The following RAP1GAP2 variants were observed in gnomAD, a reference collection of about 807,000 sequenced individuals.
The protein encoded by RAP1GAP2 is rap1 GTPase-activating protein 2.
Under a neutral mutation model 95.0 loss-of-function variants are expected in RAP1GAP2, and 27 were observed. The observed-to-expected ratio is 0.28, with a 90% CI of 0.21 to 0.39. The LOEUF (loss-of-function observed/expected upper bound fraction) is 0.39, where lower values mean the gene tolerates loss of function less well. RAP1GAP2 is among the 10% of genes least tolerant of loss of function. The probability of loss-of-function intolerance (pLI) is 1.00; values close to 1 mark genes in which losing one functional copy is unlikely to be tolerated. For synonymous variants in RAP1GAP2, 373 were observed against 380.9 expected, an observed-to-expected ratio of 0.98 and a Z score of 0.24; for missense variants, 771 against 970.0, an observed-to-expected ratio of 0.79 and a Z score of 2.72.
chr17:2,987,512 C>T (rs908996739), intron 11 of RAP1GAP2, among the ~76,000 whole-genome samples: 3 of 152,072 alleles, frequency 2.0e-5, no homozygotes, highest in Admixed American at 6.6e-5. Flanking sequence ...CAGGCAGGCA[C>T]CACCACGCCC....
intron 2 of RAP1GAP2, among the ~76,000 whole-genome samples, chr17:2,832,335 G>A (rs888601725): frequency 4.0e-5 from 6 of 151,100 alleles, no homozygotes; most frequent in Admixed American, 2.0e-4. Context: ...AAGGTGGGTG[G>A]ATCACGAGGT....
At position 2,859,795 on chromosome 17, in the gene RAP1GAP2, G is replaced by A. The variant is rs1031181047; in HGVS notation, c.81-45489G>A. Among the ~76,000 whole-genome samples, 7 of 152,182 alleles carry A rather than the reference G, an allele frequency of 4.6e-5. No homozygotes were observed. The East Asian group carries it at 1.2e-3, about 25-fold the overall frequency. On this transcript the variant is annotated intron_variant, in intron 2 of 24. Transcript: ENST00000254695. ...GAAGAAACTGGACTGTTTGTCTTGT[G>A]GAGTTTCCCACAGTCAGGATTTTGT...
Position 2,827,220 on chromosome 17 carries a change from T to C in RAP1GAP2, c.80+26670T>C, listed in dbSNP as rs2070608326. Among the ~76,000 whole-genome samples the C allele has an allele frequency of 6.6e-6, 1 of 152,132 alleles. No individual in the cohort carries two copies. The highest frequency in any genetic ancestry group is 1.5e-5 in the Non-Finnish European group (1 of 68,030). Reference sequence around the variant, plus strand: ...GTCCCAGGGGTGTGTGTGGTTGGGCTCTTTAGCTCAGGAGAGCTCAGCTGA... The same window carrying C: ...GTCCCAGGGGTGTGTGTGGTTGGGCCCTTTAGCTCAGGAGAGCTCAGCTGA... On this transcript the variant is annotated intron_variant, in intron 2 of 24. Transcript: ENST00000254695. This position sits in a 1 kb window ranked among gnomAD's most constrained non-coding sequence, Gnocchi z 4.1.
intron 3 of RAP1GAP2, among the ~76,000 whole-genome samples, chr17:2,952,792 C>A (rs2043964083): frequency 6.6e-6 from 1 of 151,646 alleles, no homozygotes; most frequent in Non-Finnish European, 1.5e-5. Flanking sequence ...TTGTTCATGT[C>A]CTTTGCACAT....
intron 1 of RAP1GAP2, among the ~76,000 whole-genome samples, chr17:2,787,634 C>T (rs1293225598): frequency 2.0e-5 from 3 of 152,278 alleles, no homozygotes; most frequent in East Asian, 3.9e-4. Context: ...GTGGCGCCAT[C>T]TCAGCTCACT....
chr17:2,933,788 A>G (rs1257721494), intron 3 of RAP1GAP2, among the ~76,000 whole-genome samples: 5 of 151,808 alleles, frequency 3.3e-5, no homozygotes, highest in African/African-American at 4.9e-5. Flanking sequence ...TAAGAGGCTT[A>G]GACCTGAAGC....
chr17:3,022,374 C>T (rs991125011), intron 19 of RAP1GAP2, among the ~76,000 whole-genome samples: 9 of 152,192 alleles, frequency 5.9e-5, no homozygotes, highest in African/African-American at 2.2e-4. Flanking sequence ...GAAGGTTAAA[C>T]ATAGAGTTAC....
At chr17:2,969,493 A>ATTTTTTT (rs2044761423) in intron 8 of RAP1GAP2, among the ~76,000 whole-genome samples, 1 of 101,878 alleles carries the variant, frequency 9.8e-6, no homozygotes, top group African/African-American at 3.7e-5. Context: ...AAATATATAT[A>ATTTTTTT]TTCTTTTTTT....
chr17:2,853,005 G>A (rs1257517819), intron 2 of RAP1GAP2, among the ~76,000 whole-genome samples: 1 of 152,142 alleles, frequency 6.6e-6, no homozygotes, highest in Non-Finnish European at 1.5e-5. Context: ...CGGGGAGGGC[G>A]GAGTGGGGGG....
chr17:3,017,892 G>A (rs140561549), intron 17 of RAP1GAP2, among the ~76,000 whole-genome samples, 169 bp from the exon 18 acceptor site: 70 of 151,870 alleles, frequency 4.6e-4, no homozygotes, highest in Non-Finnish European at 8.4e-4. Flanking sequence ...GTAAGCTGGA[G>A]TAACTAGTAT....
intron 2 of RAP1GAP2, among the ~76,000 whole-genome samples, chr17:2,874,620 C>A (rs571727710): frequency 1.3e-5 from 2 of 152,278 alleles, no homozygotes; most frequent in African/African-American, 4.8e-5. Flanking sequence ...ACAGCCTGAA[C>A]CAGTCAGAGG....
upstream of RAP1GAP2, among the ~76,000 whole-genome samples, chr17:2,792,111 C>T (rs1567651281): frequency 1.3e-5 from 2 of 152,090 alleles, no homozygotes; most frequent in Non-Finnish European, 2.9e-5. Flanking sequence ...CCGCTTGCCT[C>T]GGCTTCCCAA....
At chr17:2,842,529 C>CAAAAAA (rs34473053) in intron 2 of RAP1GAP2, among the ~76,000 whole-genome samples, 2 of 78,066 alleles carry the variant, frequency 2.6e-5, no homozygotes, top group African/African-American at 4.6e-5. Context: ...GATTCCGTCT[C>CAAAAAA]AAAAAAAAAA....
intron 18 of RAP1GAP2, among the ~76,000 whole-genome samples, chr17:3,019,410 G>A (rs2046880720): frequency 6.6e-6 from 1 of 152,018 alleles, no homozygotes; most frequent in Non-Finnish European, 1.5e-5. Context: ...CTACTTGGGA[G>A]ACTGAGGTGG....
intron 2 of RAP1GAP2, among the ~76,000 whole-genome samples, chr17:2,877,122 C>T (rs1463598282): frequency 6.6e-6 from 1 of 152,026 alleles, no homozygotes; most frequent in Non-Finnish European, 1.5e-5. Flanking sequence ...CTCCTGACCT[C>T]AGGTGATGCA....
chr17:2,953,604 C>T (rs369298004), intron 3 of RAP1GAP2, among the ~76,000 whole-genome samples: 226 of 152,198 alleles, frequency 1.5e-3, no homozygotes, highest in South Asian at 7.3e-3. Flanking sequence ...CCCAGCACTT[C>T]GGGAGGCCAA....
Position 3,008,430 on chromosome 17 carries a change from A to G in RAP1GAP2, c.1494+285A>G, listed in dbSNP as rs1305127086. On this transcript the variant is annotated intron_variant, in intron 17 of 24. Coordinates refer to ENST00000254695, the MANE Select transcript of RAP1GAP2 (RefSeq NM_015085.5). This position sits in a 1 kb window ranked among gnomAD's most constrained non-coding sequence, Gnocchi z 4.2. ...AAGCAGGGACAGGTAAAGAGGTAGC[A>G]GTAGGAGAGGAGCTGGAGCAAGCCA... Among the ~76,000 whole-genome samples, 1 of 152,198 alleles carries G rather than the reference A, an allele frequency of 6.6e-6. No individual in the cohort carries two copies. Among genetic ancestry groups the G allele is most frequent in the Non-Finnish European group, 1.5e-5 (1 of 68,030 alleles).
chr17:2,833,012 A>G (rs1414861542), intron 2 of RAP1GAP2, among the ~76,000 whole-genome samples: 1 of 152,036 alleles, frequency 6.6e-6, no homozygotes, highest in African/African-American at 2.4e-5. Flanking sequence ...GTATTTTTAC[A>G]TGTACCTTAA....
chr17:2,909,848 G>A (rs141475225), intron 3 of RAP1GAP2, among the ~76,000 whole-genome samples: 53 of 152,324 alleles, frequency 3.5e-4, no homozygotes, highest in African/African-American at 1.2e-3. Context: ...CTGGGTGGGG[G>A]TCCTTCTGTG....
Sources: allele counts gnomAD v4.1 joint callset (sites outside exome capture counted in the v4.1 genomes callset), GRCh38; gene constraint gnomAD v4.1.1; non-coding constraint Gnocchi (gnomAD v3.1); transcripts MANE v1.5; gene names NCBI Gene and HGNC (gene_info 2026-07-23, HGNC 2026-07-21).